DNAH14: variants seen among roughly 807,000 people sequenced by gnomAD.
DNAH14 encodes axonemal beta dynein heavy chain 14.
Under a neutral mutation model 520.9 loss-of-function variants are expected in DNAH14, and 478 were observed. That is an observed-to-expected ratio of 0.92 (90% CI 0.85 to 0.99). The LOEUF is 0.99. Among genes scored for constraint, DNAH14 ranks in the 50% least tolerant of loss-of-function variants. DNAH14 has a pLI of 0.00. For missense variants in DNAH14, 4,831 were observed against 5,234.5 expected (o/e 0.92, Z 2.38); for synonymous variants, 1,581 against 1,757.2 (o/e 0.90, Z 2.51).
chr1:225,259,479 A>G (rs578172951), intron 46 of DNAH14, among the ~76,000 whole-genome samples: 1 of 152,258 alleles, frequency 6.6e-6, no homozygotes, highest in Non-Finnish European at 1.5e-5. Flanking sequence ...ATGGTGTACA[A>G]TGTGATGCTT....
At position 225,289,925 on chromosome 1, in the gene DNAH14, T is replaced by C; in HGVS notation, c.8312T>C (p.Leu2771Ser). Residue 2771 changes from leucine to serine, a missense_variant, in exon 55 of 86, where the codon TTG becomes TCG. Transcript: ENST00000682510. ...DGCGKKTCAT[L>S]ACYLTDNKLY... ...TGTGGGAAAAAAACATGTGCAACCT[T>C]GGCCTGTTATTTGACAGATAATAAA... 1 of 1,493,250 alleles carries C rather than the reference T, an allele frequency of 6.7e-7. No homozygotes were observed. Among genetic ancestry groups the C allele is most frequent in the Non-Finnish European group, 9.0e-7 (1 of 1,116,378 alleles). 92.5% of individuals were successfully genotyped at this position (1,493,250 alleles called of 1,614,324 possible).
chr1:225,367,700 C>T (rs2095570955), intron 76 of DNAH14, 105 bp from the exon 77 acceptor site: 2 of 755,862 alleles, frequency 2.6e-6, no homozygotes, highest in Non-Finnish European at 4.2e-6. Context: ...AAAATAGTTA[C>T]ATTCTTGCCC....
intron 55 of DNAH14, among the ~76,000 whole-genome samples, chr1:225,294,244 G>A (rs1574577812): frequency 1.3e-5 from 2 of 151,970 alleles, no homozygotes; most frequent in Admixed American, 1.3e-4. Context: ...CATGTTTATT[G>A]ATTTGCATAT....
intron 11 of DNAH14, chr1:225,024,438 G>C (rs976767512): frequency 4.0e-5 from 7 of 176,066 alleles, no homozygotes; most frequent in Non-Finnish European, 7.8e-5. Flanking sequence ...ACTGTAACTG[G>C]TGAAACAGGA....
chr1:225,239,001 G>C (rs2091796915), intron 42 of DNAH14, among the ~76,000 whole-genome samples: 1 of 152,194 alleles, frequency 6.6e-6, no homozygotes. Context: ...TCAACCAAGA[G>C]ATGGAAGCTG....
At chr1:225,388,545 G>A in intron 82 of DNAH14, 54 bp downstream of exon 82, 1 of 1,033,666 alleles carries the variant, frequency 9.7e-7, no homozygotes, top group Non-Finnish European at 1.4e-6. Context: ...AAAGCCCAAA[G>A]GTTTATGACA....
chr1:225,238,251 T>C (rs1374202103), intron 42 of DNAH14, among the ~76,000 whole-genome samples: 1 of 152,242 alleles, frequency 6.6e-6, no homozygotes, highest in East Asian at 1.9e-4. Context: ...TGTGGGCTTA[T>C]CTATCTTAAA....
At position 225,331,531 on chromosome 1, in the gene DNAH14, G is replaced by A. The variant is rs796325602; in HGVS notation, c.9818G>A (p.Arg3273His). The A allele has an allele frequency of 7.7e-6, 12 of 1,551,410 alleles. No individual in the cohort carries two copies. The highest frequency in any genetic ancestry group is 6.8e-5 in the African/African-American group (5 of 73,118). Reference protein sequence around the residue: ...LANRKTMASRRFQCASVLLTV... With the variant: ...LANRKTMASRHFQCASVLLTV... Reference sequence around the variant, plus strand: ...AATCGGAAAACAATGGCCAGCAGGCGCTTTCAGTGTGCGTCAGTCTTACTA... The same window carrying A: ...AATCGGAAAACAATGGCCAGCAGGCACTTTCAGTGTGCGTCAGTCTTACTA... Residue 3273 changes from arginine to histidine, a missense_variant, in exon 65 of 86, where the codon CGC (arginine) becomes CAC (histidine). Transcript: ENST00000682510.
In DNAH14 at chr1:225,117,886, T is replaced by C. The variant is rs747449433; in HGVS notation, c.3978T>C (p.His1326=). ...DSRNPESVQP[H]LVKCFENIKQ... ...CATTTGTTTCTGGTTCACAGCCTCA[T>C]CTTGTGAAATGCTTTGAAAATATAA... is the stretch of plus-strand genomic sequence containing the variant. The change falls in exon 25 of 86, where the codon CAT becomes CAC. Residue 1326 remains histidine (H), a synonymous_variant. Transcript: ENST00000682510. 1.6e-5 allele frequency: 25 copies of C among 1,543,144 alleles called. No homozygotes were observed. The highest frequency in any genetic ancestry group is 2.4e-5 in the East Asian group (1 of 40,838).
At chr1:224,931,033 C>G (rs2058667762) in intron 1 of DNAH14, among the ~76,000 whole-genome samples, 1 of 152,154 alleles carries the variant, frequency 6.6e-6, no homozygotes, top group Admixed American at 6.5e-5. Context: ...GATGACAGCT[C>G]CATGTGTTAT....
At chr1:225,258,972 T>C in intron 45 of DNAH14, 149 bp from the exon 46 acceptor site, 1 of 789,202 alleles carries the variant, frequency 1.3e-6, no homozygotes, top group South Asian at 2.2e-5. Context: ...ATTTAACCAC[T>C]CTTAACCACA....
chr1:225,005,467 A>T (rs2064095586), intron 9 of DNAH14, among the ~76,000 whole-genome samples: 2 of 152,286 alleles, frequency 1.3e-5, no homozygotes, highest in South Asian at 4.1e-4. Context: ...AGTGATAGAG[A>T]TCAATTATTA....
rs963023572 is a variant in DNAH14, at chr1:225,150,410, G to C, written c.4941-1595G>C. ...GTGTTAGGATGATGCTGTTCCCATA[G>C]AGTGGGTTACAGAGGAGTCTCTCCT... On this transcript the variant is annotated intron_variant, in intron 31 of 85. Transcript: ENST00000682510. Among the ~76,000 whole-genome samples, 6 of 152,280 alleles carry C rather than the reference G, an allele frequency of 3.9e-5. No individual in the cohort carries two copies. The East Asian group carries it at 9.7e-4, about 25-fold the overall frequency.
chr1:225,144,326 T>A, intron 28 of DNAH14, 71 bp from the exon 29 acceptor site: 1 of 1,172,438 alleles, frequency 8.5e-7, no homozygotes, highest in South Asian at 1.5e-5. Context: ...ATCTTGATTC[T>A]TTTTCTGCAT....
intron 75 of DNAH14, among the ~76,000 whole-genome samples, chr1:225,361,645 A>G (rs2095492850): frequency 6.6e-6 from 1 of 152,240 alleles, no homozygotes; most frequent in African/African-American, 2.4e-5. Context: ...TAAAACCAAA[A>G]TGCAACTGCA....
In DNAH14 at chr1:225,324,455, A is replaced by G; in HGVS notation, c.9627+102A>G. The G allele has an allele frequency of 4.4e-6, 6 of 1,376,156 alleles. No individual in the cohort carries two copies. The South Asian group carries it at 5.8e-5, about 13-fold the overall frequency. The allele number at this position is 1,376,156 out of a possible 1,614,324, so 85.2% of individuals were successfully genotyped here. ...AATACTCAAATGAACTTGAGTGGAA[A>G]GGATACCTAAGGAGAAACACTTTAA... On this transcript the variant is annotated intron_variant, in intron 63 of 85. Transcript: ENST00000682510.
At chr1:225,186,314 T>C (rs530525161) in intron 37 of DNAH14, among the ~76,000 whole-genome samples, 3 of 151,836 alleles carry the variant, frequency 2.0e-5, no homozygotes, top group Non-Finnish European at 4.4e-5. Flanking sequence ...AAATTTTCCT[T>C]CCTGAAAGAT....
intron 4 of DNAH14, 86 bp from the exon 5 acceptor site, chr1:224,964,393 A>G (rs1188461724): frequency 3.7e-6 from 5 of 1,343,742 alleles, no homozygotes; most frequent in East Asian, 2.7e-5. Flanking sequence ...TTTTCTCTAT[A>G]TAGAAATATT....
chr1:225,207,509 T>A (rs1480107), intron 41 of DNAH14, among the ~76,000 whole-genome samples: 23,459 of 152,132 alleles, frequency 0.15, 2,123 homozygotes, highest in East Asian at 0.36. Context: ...AAAGATTCTC[T>A]GAGTTAGAAA....
Sources: allele counts gnomAD v4.1 joint callset (sites outside exome capture counted in the v4.1 genomes callset), GRCh38; gene constraint gnomAD v4.1.1; transcripts MANE v1.5; gene names NCBI Gene and HGNC (gene_info 2026-07-23, HGNC 2026-07-21).